Variants in ZNF583 observed in about 807,000 individuals in gnomAD.
The protein encoded by ZNF583 is zinc finger protein L3-5.
ZNF583 carries 30 observed loss-of-function variants against 55.3 expected under a neutral mutation model. That is an observed-to-expected ratio of 0.54 (90% CI 0.41 to 0.74). The LOEUF is 0.74. Ranked by LOEUF, ZNF583 falls within the 30% of genes least tolerant of loss-of-function variation. The probability of loss-of-function intolerance (pLI) is 0.00; values close to 1 mark genes in which losing one functional copy is unlikely to be tolerated. For synonymous variants in ZNF583, 208 were observed against 220.0 expected (o/e 0.95, Z 0.48); for missense variants, 504 against 664.7 (o/e 0.76, Z 2.66).
intron 4 of ZNF583, among the ~76,000 whole-genome samples, chr19:56,419,164 T>G (rs2042374284): frequency 1.3e-5 from 2 of 152,012 alleles, no homozygotes; most frequent in South Asian, 4.1e-4. Flanking sequence ...TTTTGCCTTA[T>G]GTACATGTGC....
At chr19:56,421,343 T>G (rs570333572) in intron 4 of ZNF583, 42 of 385,140 alleles carry the variant, frequency 1.1e-4, no homozygotes, top group Non-Finnish European at 1.3e-4. Context: ...CTGGGTTTAA[T>G]TAGATCATTG....
At position 56,424,347 on chromosome 19, in the gene ZNF583, A is replaced by T. The variant is rs781073039; in HGVS notation, c.1689A>T (p.Arg563Ser). 3.2e-5 allele frequency: 48 copies of T among 1,497,950 alleles called. No individual in the cohort carries two copies. The highest frequency in any genetic ancestry group is 4.2e-5 in the Non-Finnish European group (45 of 1,076,944). 92.8% of individuals were successfully genotyped at this position (1,497,950 alleles called of 1,614,324 possible). A position where few individuals can be genotyped will look rare whatever the true frequency, so the allele number is the denominator to read the frequency against. Reference protein sequence around the residue: ...PSPSTSNQLPRPVGFIS With the variant: ...PSPSTSNQLPSPVGFIS Reference sequence around the variant, plus strand: ...CCTCCACATCAAATCAGTTGCCAAGACCTGTAGGTTTCATCTCCTGAATAT... The same window carrying T: ...CCTCCACATCAAATCAGTTGCCAAGTCCTGTAGGTTTCATCTCCTGAATAT... The change falls in exon 5 of 5, where the codon AGA becomes AGT. Residue 563 changes from arginine (R) to serine (S), a missense_variant. Physicochemically the swap from Arg to Ser is moderately radical, Grantham distance 110 (BLOSUM62 -1). Coordinates refer to ENST00000333201, the MANE Select transcript of ZNF583 (RefSeq NM_152478.3).
chr19:56,409,023 ATTTAGAT>A (rs2042199148), intron 2 of ZNF583, among the ~76,000 whole-genome samples: 1 of 145,126 alleles, frequency 6.9e-6, no homozygotes, highest in African/African-American at 2.6e-5. Flanking sequence ...CCCCCATTTC[ATTTAGAT>A]TGTTGTTCAA....
intron 1 of ZNF583, among the ~76,000 whole-genome samples, chr19:56,406,590 T>C (rs1446691750): frequency 7.1e-6 from 1 of 141,422 alleles, no homozygotes; most frequent in Non-Finnish European, 1.5e-5. Flanking sequence ...TGGAGTGTGG[T>C]GGCGCGATCT....
chr19:56,422,726 TAATC>T (rs2042435210), intron 4 of ZNF583, among the ~76,000 whole-genome samples, 161 bp from the exon 5 acceptor site: 1 of 152,210 alleles, frequency 6.6e-6, no homozygotes, highest in African/African-American at 2.4e-5. Flanking sequence ...ATTATTTCCT[TAATC>T]AACTCTCTTA....
chr19:56,406,832 G>C (rs545465125), intron 1 of ZNF583, among the ~76,000 whole-genome samples, 194 bp from the exon 2 acceptor site: 1 of 152,242 alleles, frequency 6.6e-6, no homozygotes, highest in South Asian at 2.1e-4. Flanking sequence ...TGGCCCGTAT[G>C]TTGTATTCTT....
intron 4 of ZNF583, among the ~76,000 whole-genome samples, chr19:56,416,249 C>A (rs1436849301): frequency 6.8e-6 from 1 of 147,096 alleles, no homozygotes; most frequent in East Asian, 2.0e-4. Context: ...CACTTGAACT[C>A]AGGAGGTGGA....
chr19:56,410,454 C>T (rs2042220169), intron 2 of ZNF583, among the ~76,000 whole-genome samples: 3 of 152,008 alleles, frequency 2.0e-5, no homozygotes, highest in Non-Finnish European at 2.9e-5. Flanking sequence ...AATCCCAGCA[C>T]TTTGGGGGGC....
intron 4 of ZNF583, among the ~76,000 whole-genome samples, chr19:56,417,428 T>C (rs1230659061): frequency 1.3e-5 from 2 of 152,234 alleles, no homozygotes; most frequent in African/African-American, 4.8e-5. Context: ...TGACTAATAA[T>C]GTTGAGCCTC....
chr19:56,423,902 A>G lies in ZNF583; in HGVS notation c.1244A>G (p.Lys415Arg). ...CCTTATGAATGTAAAGTATGTAGGA[A>G]AGCCTTCAGCCAAATTGCATACCTT... ...EKPYECKVCRKAFSQIAYLDQ... is the reference protein window; with the variant it reads ...EKPYECKVCRRAFSQIAYLDQ... The change falls in exon 5 of 5, where the codon AAA becomes AGA. Residue 415 changes from lysine to arginine, a missense_variant. By Grantham distance (26) the Lys-to-Arg change is conservative (BLOSUM62 2). Transcript: ENST00000333201. 6.2e-7 allele frequency: 1 copy of G among 1,614,044 alleles called. No homozygotes were observed. The highest frequency in any genetic ancestry group is 8.5e-7 in the Non-Finnish European group (1 of 1,179,974).
At chr19:56,411,687 T>A (rs2042241630) in intron 2 of ZNF583, among the ~76,000 whole-genome samples, 1 of 152,240 alleles carries the variant, frequency 6.6e-6, no homozygotes, top group African/African-American at 2.4e-5. Context: ...TTTTTAGACC[T>A]GATTCACATT....
intron 2 of ZNF583, among the ~76,000 whole-genome samples, chr19:56,407,441 G>C (rs951633875): frequency 6.6e-6 from 1 of 152,230 alleles, no homozygotes; most frequent in Non-Finnish European, 1.5e-5. Context: ...TGAGACTGAG[G>C]TGTATGTTCA....
intron 4 of ZNF583, among the ~76,000 whole-genome samples, chr19:56,418,075 A>T (rs1295584366): frequency 3.9e-5 from 6 of 152,192 alleles, no homozygotes; most frequent in Non-Finnish European, 2.9e-5. Context: ...TTGATACCAG[A>T]TAGAGCAATT....
intron 4 of ZNF583, among the ~76,000 whole-genome samples, chr19:56,422,268 C>T (rs1469982621): frequency 6.6e-6 from 1 of 152,108 alleles, no homozygotes; most frequent in Non-Finnish European, 1.5e-5. Flanking sequence ...AAGTTCTGTG[C>T]TAGGTTAGTA....
chr19:56,406,999 AT>A, intron 1 of ZNF583, 26 bp from the exon 2 acceptor site: 8 of 1,226,342 alleles, frequency 6.5e-6, no homozygotes, highest in African/African-American at 1.5e-5. Context: ...CAGGCCTGGC[AT>A]TTTATGGTTT....
At chr19:56,407,492 AG>A (rs2147552374) in intron 2 of ZNF583, among the ~76,000 whole-genome samples, 1 of 152,362 alleles carries the variant, frequency 6.6e-6, no homozygotes, top group South Asian at 2.1e-4. Context: ...CCATAGACCT[AG>A]GTTTGAAAAG....
chr19:56,411,152 T>A (rs1301299223), intron 2 of ZNF583, among the ~76,000 whole-genome samples: 3 of 150,464 alleles, frequency 2.0e-5, no homozygotes, highest in Admixed American at 6.6e-5. Flanking sequence ...TACCTGTGCC[T>A]GGTGATGAGT....
At chr19:56,413,884 A>G in intron 2 of ZNF583, 75 bp from the exon 3 acceptor site, 1 of 1,595,088 alleles carries the variant, frequency 6.3e-7, no homozygotes, top group South Asian at 1.1e-5. Flanking sequence ...AAGTATAGAC[A>G]ATTTAACTTT....
At chr19:56,415,444 A>G (rs951932504) in intron 4 of ZNF583, among the ~76,000 whole-genome samples, 3 of 152,210 alleles carry the variant, frequency 2.0e-5, no homozygotes, top group East Asian at 1.9e-4. Flanking sequence ...GTCAGTGTGA[A>G]TGAATGAGAT....
Sources: allele counts gnomAD v4.1 joint callset (sites outside exome capture counted in the v4.1 genomes callset), GRCh38; gene constraint gnomAD v4.1.1; transcripts MANE v1.5; gene names NCBI Gene and HGNC (gene_info 2026-07-23, HGNC 2026-07-21).